The following DCAF4 variants were observed in gnomAD, a reference collection of about 807,000 sequenced individuals.
The protein encoded by DCAF4 is DDB1- and CUL4-associated factor 4.
DCAF4 carries 37 observed loss-of-function variants against 60.9 expected under a neutral mutation model. The observed-to-expected ratio is 0.61, with a 90% confidence interval of 0.47 to 0.80. The LOEUF is 0.80. Among genes scored for constraint, DCAF4 ranks in the 30% least tolerant of loss-of-function variants. DCAF4 has a pLI of 0.00. For synonymous variants in DCAF4, 243 were observed against 254.8 expected (o/e 0.95, Z 0.44); for missense variants, 577 against 650.0 (o/e 0.89, Z 1.22).
At chr14:72,953,782 TTGTG>T (rs149574612) in intron 9 of DCAF4, among the ~76,000 whole-genome samples, 5,892 of 40,828 alleles carry the variant, frequency 0.14, 842 homozygotes, top group Non-Finnish European at 0.18. Context: ...ATTTATTTAT[TTGTG>T]TGTGTGTGTG....
At chr14:72,938,287 G>A (rs894525561) in intron 2 of DCAF4, among the ~76,000 whole-genome samples, 2 of 152,204 alleles carry the variant, frequency 1.3e-5, no homozygotes, top group Non-Finnish European at 2.9e-5. Context: ...ACTGAGTAGT[G>A]AGGAGAGAGG....
At chr14:72,956,210 C>T (rs554315047) in intron 12 of DCAF4, among the ~76,000 whole-genome samples, 176 bp from the exon 13 acceptor site, 42 of 152,210 alleles carry the variant, frequency 2.8e-4, no homozygotes, top group Non-Finnish European at 5.0e-4. Context: ...CATGAGCCAC[C>T]GTGCCCGGCC....
intron 9 of DCAF4, among the ~76,000 whole-genome samples, chr14:72,953,735 ATATATATAT>A (rs1891820768): frequency 5.7e-5 from 1 of 17,508 alleles, no homozygotes; most frequent in Non-Finnish European, 1.1e-4. Context: ...AAAAAAAAAT[ATATATATAT>A]ATATATATAT....
rs1171519349 is a variant in DCAF4 at position 72,940,973 on chromosome 14, G to GT, written c.351+596_351+597insT. Among the ~76,000 whole-genome samples, 17 of 21,970 alleles carry GT rather than the reference G, an allele frequency of 7.7e-4. No homozygotes were observed. In the Admixed American group the frequency reaches 9.9e-3, roughly 13 times the overall value. 14.4% of individuals were successfully genotyped at this position (21,970 alleles called of 152,430 possible). A position where few individuals can be genotyped will look rare whatever the true frequency, so the allele number is the denominator to read the frequency against. The stretch of plus-strand genomic sequence containing the variant: ...TATAATTTTAGTAACTGTTTTTTGG[G>GT]GTTTTTTTGAGACAGGGTCCCACTC... On this transcript the variant is annotated intron_variant, in intron 4 of 13. Transcript: ENST00000358377.
rs1594814413 is a variant in DCAF4, at chr14:72,958,646, C to T, written c.1329C>T (p.Leu443=). 3 of 1,614,224 alleles carry T rather than the reference C, an allele frequency of 1.9e-6. No homozygotes were observed. Among genetic ancestry groups the T allele is most frequent in the Non-Finnish European group, 2.5e-6 (3 of 1,180,038 alleles). Residue 443 remains leucine (L), a synonymous_variant, in exon 14 of 14, where the codon CTC becomes CTT. Coordinates refer to ENST00000358377, the MANE Select transcript of DCAF4 (RefSeq NM_015604.4). ...ACTGCTACACGAGAATCTGGAGCCTCCACGATGCCCGCCTACTGAGAACCA... is the reference window on the plus strand; with the variant it reads ...ACTGCTACACGAGAATCTGGAGCCTTCACGATGCCCGCCTACTGAGAACCA... ...GQDCYTRIWS[L]HDARLLRTIP...
Position 72,959,652 on chromosome 14 carries a change from G to A in DCAF4, c.*847G>A. 4 of 985,398 alleles carry A rather than the reference G, an allele frequency of 4.1e-6. No individual in the cohort carries two copies. Among genetic ancestry groups the A allele is most frequent in the African/African-American group, 1.7e-5 (1 of 57,342 alleles). The allele number at this position is 985,398 out of a possible 1,614,324, so 61.0% of individuals were successfully genotyped here. A position where few individuals can be genotyped will look rare whatever the true frequency, so the allele number is the denominator to read the frequency against. ...CAATAAAACCAAGAGAAGAATCATG[G>A]TGTGACATGCACTTCTGTGAATGAC... On this transcript the variant is annotated 3_prime_UTR_variant, in exon 14 of 14. Transcript: ENST00000358377.
chr14:72,955,597 G>A lies in DCAF4; in HGVS notation c.1080G>A (p.Lys360=). The A allele has an allele frequency of 1.2e-6, 2 of 1,614,190 alleles. No individual in the cohort carries two copies. The highest frequency in any genetic ancestry group is 1.7e-6 in the Non-Finnish European group (2 of 1,180,034). ...ATCTGCGTTGTGGAAATCAAGGCAA[G>A]GGATGGAAGGCCACCCGCCTGTTTC... ...AIDLRCGNQG[K]GWKATRLFHD... Residue 360 remains lysine, a synonymous_variant, in exon 12 of 14, where the codon AAG becomes AAA. Coordinates refer to ENST00000358377, the MANE Select transcript of DCAF4 (RefSeq NM_015604.4).
At chr14:72,929,296 G>A (rs1369938513) in intron 1 of DCAF4, among the ~76,000 whole-genome samples, 2 of 152,244 alleles carry the variant, frequency 1.3e-5, no homozygotes, top group African/African-American at 4.8e-5. Context: ...AAAACTGCTA[G>A]ACTGTGAGAG....
intron 8 of DCAF4, among the ~76,000 whole-genome samples, chr14:72,949,469 A>G (rs555816112): frequency 2.0e-5 from 3 of 151,928 alleles, no homozygotes; most frequent in Non-Finnish European, 4.4e-5. Flanking sequence ...AAAAAGAGAA[A>G]AGTGACTGGG....
chr14:72,945,924 T>C lies in DCAF4; in HGVS notation c.575T>C (p.Val192Ala), dbSNP rs1816780287. The C allele has an allele frequency of 6.2e-7, 1 of 1,614,042 alleles. No individual in the cohort carries two copies. Among genetic ancestry groups the C allele is most frequent in the Admixed American group, 1.7e-5 (1 of 59,986 alleles). ...NSDRLFTVND[V>A]KVGGSKYGII... ...GACCGGCTCTTCACAGTGAACGATGTTAAAGTTGGAGGCTCCAAGTATGGT... is the reference window on the plus strand; with the variant it reads ...GACCGGCTCTTCACAGTGAACGATGCTAAAGTTGGAGGCTCCAAGTATGGT... The change falls in exon 7 of 14, where the codon GTT becomes GCT. Residue 192 changes from valine to alanine, a missense_variant. Physicochemically the swap from Val to Ala is moderately conservative, Grantham distance 64 (BLOSUM62 0). Coordinates refer to ENST00000358377, the MANE Select transcript of DCAF4 (RefSeq NM_015604.4).
At position 72,940,032 on chromosome 14, in the gene DCAF4, G is replaced by A. The variant is rs546422365; in HGVS notation, c.193+130G>A. 4 of 1,172,520 alleles carry A rather than the reference G, an allele frequency of 3.4e-6. No homozygotes were observed. The Admixed American group carries it at 7.5e-5, about 22-fold the overall frequency. The allele number at this position is 1,172,520 out of a possible 1,614,324, so 72.6% of individuals were successfully genotyped here. On this transcript the variant is annotated intron_variant, in intron 3 of 13. Coordinates refer to ENST00000358377, the MANE Select transcript of DCAF4 (RefSeq NM_015604.4). ...GAAGGAGCTGGGTGCGTCAGGAATG[G>A]TGGTCATGAGGCAAACCGCCTCCCC...
At chr14:72,937,363 C>CA (rs1400895579) in intron 1 of DCAF4, among the ~76,000 whole-genome samples, 1 of 149,846 alleles carries the variant, frequency 6.7e-6, no homozygotes, top group East Asian at 1.9e-4. Context: ...ATTTGTGGAG[C>CA]AGAAGGGAGT....
chr14:72,955,914 C>CTTTTTTTTTTTT (rs71109770), intron 12 of DCAF4, among the ~76,000 whole-genome samples: 7 of 54,726 alleles, frequency 1.3e-4, no homozygotes, highest in African/African-American at 2.9e-4. Flanking sequence ...TGGTTATGTC[C>CTTTTTTTTTTTT]TTTTTTTTTT....
intron 6 of DCAF4, 73 bp from the exon 7 acceptor site, chr14:72,945,811 C>G: frequency 1.3e-6 from 2 of 1,588,120 alleles, no homozygotes; most frequent in Non-Finnish European, 1.7e-6. Flanking sequence ...CCAGGAGAGA[C>G]GGGCAGGTCC....
rs766615022 is a variant in DCAF4 at position 72,954,500 on chromosome 14, C to T, written c.1005+17C>T. On this transcript the variant is annotated intron_variant, in intron 11 of 13. Transcript: ENST00000358377. ...GCTCTCATGGTTGGTTGGATTGGGA[C>T]AGGCAGAATATAAAAGTTTGCCCCA... 50 of 1,613,006 alleles carry T rather than the reference C, an allele frequency of 3.1e-5. No individual in the cohort carries two copies. The highest frequency in any genetic ancestry group is 4.0e-5 in the Non-Finnish European group (47 of 1,179,152).
intron 6 of DCAF4, among the ~76,000 whole-genome samples, chr14:72,944,379 C>T (rs533935917): frequency 2.0e-5 from 3 of 152,304 alleles, no homozygotes; most frequent in East Asian, 1.9e-4. Context: ...CCAAAACCAA[C>T]GTCCAAACTC....
rs74920642 is a variant in DCAF4 at position 72,958,771 on chromosome 14, T to C, written c.1454T>C (p.Val485Ala). The C allele has an allele frequency of 6.3e-7, 1 of 1,598,404 alleles. No homozygotes were observed. Among genetic ancestry groups the C allele is most frequent in the East Asian group, 2.2e-5 (1 of 44,814 alleles). ...SRGAPGLLMA[V>A]GQDLYCYSYS is the part of the protein sequence containing the mutation. ...GGCGCGCCGGGGCTGCTCATGGCTG[T>C]CGGGCAGGACCTTTACTGTTACTCC... Residue 485 changes from valine to alanine, a missense_variant, in exon 14 of 14, where the codon GTC (valine) becomes GCC (alanine). Transcript: ENST00000358377.
intron 7 of DCAF4, among the ~76,000 whole-genome samples, chr14:72,946,349 G>A (rs996545234): frequency 1.3e-5 from 2 of 152,046 alleles, no homozygotes; most frequent in Admixed American, 6.6e-5. Flanking sequence ...AGGCTGCAGT[G>A]AGCCATGATC....
chr14:72,934,862 G>C (rs1165795244), intron 1 of DCAF4, among the ~76,000 whole-genome samples: 1 of 152,178 alleles, frequency 6.6e-6, no homozygotes, highest in South Asian at 2.1e-4. Flanking sequence ...GTAGTAAGTG[G>C]AAATAACCCA....
Sources: gnomAD v4.1 joint callset for allele counts (sites outside exome capture counted in the v4.1 genomes callset) on GRCh38, gnomAD v4.1.1 for gene constraint, MANE v1.5 for transcripts, NCBI Gene and HGNC (gene_info 2026-07-23, HGNC 2026-07-21) for gene names.